RALGPS1: variants seen among roughly 807,000 people sequenced by gnomAD.
The protein encoded by RALGPS1 is Ral GEF with PH domain and SH3 binding motif 1.
RALGPS1 carries 19 observed loss-of-function variants against 78.8 expected under a neutral mutation model. That is an observed-to-expected ratio of 0.24 (90% CI 0.17 to 0.35). The LOEUF (loss-of-function observed/expected upper bound fraction) is 0.35. Among genes scored for constraint, RALGPS1 ranks in the 10% least tolerant of loss-of-function variants. RALGPS1 has a pLI of 1.00. For synonymous variants in RALGPS1, 228 were observed against 256.3 expected (o/e 0.89, Z 1.06); for missense variants, 454 against 688.3 (o/e 0.66, Z 3.81).
chr9:127,141,438 G>A (rs2057765602), intron 8 of RALGPS1, among the ~76,000 whole-genome samples: 1 of 151,976 alleles, frequency 6.6e-6, no homozygotes, highest in South Asian at 2.1e-4. Context: ...TTGCTCAGAA[G>A]CACCCTTGGG....
At chr9:127,015,845 C>T (rs1413112593) in intron 4 of RALGPS1, among the ~76,000 whole-genome samples, 1 of 152,108 alleles carries the variant, frequency 6.6e-6, no homozygotes, top group Non-Finnish European at 1.5e-5. Flanking sequence ...TGCCCTGCTC[C>T]ACTTGGAGGC....
chr9:127,096,244 G>A (rs1162521475), intron 8 of RALGPS1, among the ~76,000 whole-genome samples: 1 of 152,248 alleles, frequency 6.6e-6, no homozygotes, highest in African/African-American at 2.4e-5. Flanking sequence ...GTGTTTAGCT[G>A]AAGCCCCAGG....
intron 1 of RALGPS1, among the ~76,000 whole-genome samples, chr9:126,947,732 C>T (rs2037416819): frequency 6.6e-6 from 1 of 152,174 alleles, no homozygotes; most frequent in African/African-American, 2.4e-5. Flanking sequence ...CAAGCCTGCA[C>T]TGCAGCTTGT....
intron 8 of RALGPS1, among the ~76,000 whole-genome samples, chr9:127,084,975 G>A (rs2051556597): frequency 1.3e-5 from 2 of 152,176 alleles, no homozygotes; most frequent in Non-Finnish European, 2.9e-5. Context: ...GGGGGTCTTG[G>A]GAGATCAGAG....
chr9:127,047,968 T>C (rs910636960), intron 5 of RALGPS1, among the ~76,000 whole-genome samples: 1 of 152,208 alleles, frequency 6.6e-6, no homozygotes, highest in African/African-American at 2.4e-5. Flanking sequence ...CTTCTTCCCA[T>C]GTCCTTCAGC....
intron 7 of RALGPS1, among the ~76,000 whole-genome samples, chr9:127,059,318 A>T (rs1228882195): frequency 6.6e-6 from 1 of 152,020 alleles, no homozygotes; most frequent in Non-Finnish European, 1.5e-5. Context: ...CGATAAGGAG[A>T]TAGATGCAGA....
chr9:127,086,963 C>A (rs1288812368), intron 8 of RALGPS1, among the ~76,000 whole-genome samples: 1 of 152,128 alleles, frequency 6.6e-6, no homozygotes, highest in Admixed American at 6.5e-5. Flanking sequence ...TTGTCCTTGG[C>A]AGGGGAAGGG....
chr9:127,181,112 A>G (rs1297630535), intron 11 of RALGPS1, among the ~76,000 whole-genome samples: 1 of 152,270 alleles, frequency 6.6e-6, no homozygotes, highest in Non-Finnish European at 1.5e-5. Context: ...TGCTCAGGGC[A>G]GTCACGAAAG....
chr9:127,117,689 C>T (rs1454440512), intron 8 of RALGPS1, among the ~76,000 whole-genome samples: 1 of 152,228 alleles, frequency 6.6e-6, no homozygotes, highest in East Asian at 1.9e-4. Flanking sequence ...GAGCCTGGGC[C>T]TGAGGCTTGC....
chr9:127,215,549 A>G (rs1209695288), intron 18 of RALGPS1, among the ~76,000 whole-genome samples: 2 of 152,206 alleles, frequency 1.3e-5, no homozygotes, highest in African/African-American at 4.8e-5. Flanking sequence ...CACACATTTA[A>G]GGTCCCACAT....
At position 127,052,863 on chromosome 9, in the gene RALGPS1, A is replaced by G; in HGVS notation, c.407A>G (p.Asn136Ser). 1.2e-6 allele frequency: 2 copies of G among 1,608,814 alleles called. No homozygotes were observed. Among genetic ancestry groups the G allele is most frequent in the Non-Finnish European group, 1.7e-6 (2 of 1,175,246 alleles). ...TTTTTTCAGAAACTTCTAGAACTCAACAACCTTCATTCTCTCATGTCTGTG... is the reference window on the plus strand; with the variant it reads ...TTTTTTCAGAAACTTCTAGAACTCAGCAACCTTCATTCTCTCATGTCTGTG... Reference protein sequence around the residue: ...VKIAKKLLELNNLHSLMSVVS... With the variant: ...VKIAKKLLELSNLHSLMSVVS... The change falls in exon 7 of 19, where the codon AAC becomes AGC. Residue 136 changes from asparagine to serine, a missense_variant. By Grantham distance (46) the Asn-to-Ser change is conservative (BLOSUM62 1). Transcript: ENST00000259351.
chr9:127,145,764 AT>A (rs1342578789), intron 8 of RALGPS1, among the ~76,000 whole-genome samples: 2 of 152,196 alleles, frequency 1.3e-5, no homozygotes, highest in Admixed American at 1.3e-4. Context: ...ATTCAATGAG[AT>A]TTGAGGCCTA....
intron 17 of RALGPS1, chr9:127,213,949 G>A (rs2062429545): frequency 6.6e-6 from 1 of 152,226 alleles, no homozygotes; most frequent in East Asian, 1.9e-4. Flanking sequence ...GAGAAACAAA[G>A]GGAGCCTCCA....
At chr9:127,140,200 A>G (rs976100984) in intron 8 of RALGPS1, among the ~76,000 whole-genome samples, 1 of 152,162 alleles carries the variant, frequency 6.6e-6, no homozygotes, top group African/African-American at 2.4e-5. Flanking sequence ...TCCTTTTACC[A>G]CTTTTCCTCC....
chr9:127,134,349 G>C (rs2057249152), intron 8 of RALGPS1, among the ~76,000 whole-genome samples: 2 of 152,224 alleles, frequency 1.3e-5, no homozygotes, highest in Admixed American at 6.5e-5. Flanking sequence ...GCCTGGCACT[G>C]TGCTAGGTTC....
At chr9:126,951,687 T>A (rs1321640024) in intron 1 of RALGPS1, among the ~76,000 whole-genome samples, 1 of 152,284 alleles carries the variant, frequency 6.6e-6, no homozygotes, top group Non-Finnish European at 1.5e-5. Context: ...TAAGAGCTAT[T>A]TATGACAACC....
intron 4 of RALGPS1, among the ~76,000 whole-genome samples, chr9:126,982,818 C>CCTTCTTCTTCCT (rs1180272381): frequency 6.5e-5 from 6 of 92,986 alleles, no homozygotes; most frequent in Non-Finnish European, 1.7e-4. Context: ...CTTTCTTCCT[C>CCTTCTTCTTCCT]CTTCTTCTTC....
chr9:127,148,524 C>T (rs2058233636), intron 8 of RALGPS1, among the ~76,000 whole-genome samples: 1 of 152,232 alleles, frequency 6.6e-6, no homozygotes, highest in African/African-American at 2.4e-5. Context: ...CTGCTGTGTG[C>T]CAGGCACCGT....
At chr9:127,066,392 A>C (rs1293381387) in intron 7 of RALGPS1, among the ~76,000 whole-genome samples, 1 of 152,156 alleles carries the variant, frequency 6.6e-6, no homozygotes, top group Non-Finnish European at 1.5e-5. Flanking sequence ...TGTAATCCCA[A>C]CACTTTGGGA....
Sources: allele counts gnomAD v4.1 joint callset (sites outside exome capture counted in the v4.1 genomes callset), GRCh38; gene constraint gnomAD v4.1.1; transcripts MANE v1.5; gene names NCBI Gene and HGNC (gene_info 2026-07-23, HGNC 2026-07-21).